The following ASIC2 variants were observed in gnomAD, a reference collection of about 807,000 sequenced individuals.
ASIC2 encodes acid sensing ion channel subunit 2, also known as acid-sensing ion channel 2.
Under a neutral mutation model 57.3 loss-of-function variants are expected in ASIC2, and 25 were observed. The ratio of observed to expected loss-of-function variants is 0.44; its 90% CI spans 0.32 to 0.61. ASIC2 has a LOEUF of 0.61. ASIC2 is among the 20% of genes least tolerant of loss of function. ASIC2 has a pLI of 0.06. For missense variants in ASIC2, 641 were observed against 738.1 expected (o/e 0.87, Z 1.52); for synonymous variants, 319 against 307.5 (o/e 1.04, Z -0.39).
At chr17:33,711,798 G>C (rs905788544) in intron 1 of ASIC2, among the ~76,000 whole-genome samples, 2 of 152,100 alleles carry the variant, frequency 1.3e-5, no homozygotes, top group Non-Finnish European at 2.9e-5. Flanking sequence ...CCTCCCACCA[G>C]GCCCCTTCCC....
In ASIC2 at chr17:33,228,323, AT is replaced by A. The variant is rs1170397701; in HGVS notation, c.708+63084del. Among the ~76,000 whole-genome samples, 9 of 152,308 alleles carry A rather than the reference AT, an allele frequency of 5.9e-5. 1 individual carries two copies. The highest frequency in any genetic ancestry group is 1.9e-4 in the African/African-American group (8 of 41,564). Reference sequence around the variant, plus strand: ...CACTTGAAAAACGATGGTGAATTTTATGCAACGTAAATGTTATCACAATTGA... The same window carrying A: ...CACTTGAAAAACGATGGTGAATTTTAGCAACGTAAATGTTATCACAATTGA... On this transcript the variant is annotated intron_variant, in intron 1 of 9. Coordinates refer to ENST00000225823, the MANE Select transcript of ASIC2 (RefSeq NM_183377.2).
chr17:33,734,363 C>G (rs1037458420), intron 1 of ASIC2, among the ~76,000 whole-genome samples: 1 of 152,170 alleles, frequency 6.6e-6, no homozygotes, highest in South Asian at 2.1e-4. Flanking sequence ...ACCTTCCTCC[C>G]GTGCTCTGTC....
chr17:33,022,027 C>CTTG (rs1183745232), intron 6 of ASIC2, among the ~76,000 whole-genome samples: 3 of 152,206 alleles, frequency 2.0e-5, no homozygotes, highest in Non-Finnish European at 4.4e-5. Context: ...TCCAGTGCCC[C>CTTG]TTGTTCTCAA....
At chr17:34,103,290 C>A (rs575724510) in intron 1 of ASIC2, among the ~76,000 whole-genome samples, 1 of 152,164 alleles carries the variant, frequency 6.6e-6, no homozygotes, top group South Asian at 2.1e-4. Flanking sequence ...GGACCACAGG[C>A]ATGTGCCACA....
At chr17:33,820,903 G>C (rs1251250053) in intron 1 of ASIC2, among the ~76,000 whole-genome samples, 1 of 152,092 alleles carries the variant, frequency 6.6e-6, no homozygotes, top group Non-Finnish European at 1.5e-5. Flanking sequence ...TACGTATAAG[G>C]CTTGCGTTAT....
intron 1 of ASIC2, among the ~76,000 whole-genome samples, chr17:33,340,652 G>GT (rs1907685241): frequency 6.6e-6 from 1 of 152,128 alleles, no homozygotes; most frequent in Non-Finnish European, 1.5e-5. Flanking sequence ...AACTTTGAGT[G>GT]TATCAGTGGT....
At chr17:33,745,832 A>G (rs1014488896) in intron 1 of ASIC2, among the ~76,000 whole-genome samples, 5 of 152,202 alleles carry the variant, frequency 3.3e-5, no homozygotes, top group African/African-American at 4.8e-5. Context: ...ATAAGCCTAG[A>G]TGGAAATTTG....
chr17:33,043,469 G>A (rs561390041), intron 3 of ASIC2, among the ~76,000 whole-genome samples: 3 of 151,686 alleles, frequency 2.0e-5, no homozygotes, highest in Admixed American at 2.0e-4. Flanking sequence ...GCTCTATAAG[G>A]CAAACCAGGG....
intron 1 of ASIC2, among the ~76,000 whole-genome samples, chr17:33,693,937 G>T (rs975839052): frequency 1.3e-5 from 2 of 152,192 alleles, no homozygotes; most frequent in African/African-American, 4.8e-5. Context: ...TTGGAGGATG[G>T]TGGGATCAAT....
At chr17:33,739,845 A>C (rs1253973691) in intron 1 of ASIC2, among the ~76,000 whole-genome samples, 3 of 151,600 alleles carry the variant, frequency 2.0e-5, no homozygotes, top group Non-Finnish European at 2.9e-5. Flanking sequence ...AAAGAGAAAG[A>C]AAAAAGAGAA....
At chr17:33,019,971 C>A (rs2091828410) in intron 7 of ASIC2, among the ~76,000 whole-genome samples, 1 of 152,014 alleles carries the variant, frequency 6.6e-6, no homozygotes, top group Admixed American at 6.5e-5. Context: ...AAATAAAGGG[C>A]AAGGCCAGCA....
At chr17:34,015,340 G>A (rs1906913462) in intron 1 of ASIC2, among the ~76,000 whole-genome samples, 1 of 152,134 alleles carries the variant, frequency 6.6e-6, no homozygotes, top group Non-Finnish European at 1.5e-5. Flanking sequence ...GTGGTCTTGG[G>A]CTGCCCTGTC....
intron 1 of ASIC2, among the ~76,000 whole-genome samples, chr17:34,137,860 G>A (rs1230741813): frequency 1.3e-5 from 2 of 152,048 alleles, no homozygotes; most frequent in East Asian, 3.9e-4. Flanking sequence ...TCTTACTCAT[G>A]AAGGCTTCAC....
chr17:33,629,970 T>C (rs901643993), intron 1 of ASIC2, among the ~76,000 whole-genome samples: 2 of 152,156 alleles, frequency 1.3e-5, no homozygotes, highest in Non-Finnish European at 1.5e-5. Context: ...TCCCTCTTGA[T>C]ACTTATTCAT....
chr17:33,699,043 G>A (rs1908616692), intron 1 of ASIC2, among the ~76,000 whole-genome samples: 1 of 152,174 alleles, frequency 6.6e-6, no homozygotes, highest in South Asian at 2.1e-4. Flanking sequence ...TTTCCTAAAG[G>A]GGTCTGTTCA....
At chr17:33,231,483 C>G (rs1342661206) in intron 1 of ASIC2, among the ~76,000 whole-genome samples, 1 of 152,098 alleles carries the variant, frequency 6.6e-6, no homozygotes, top group Non-Finnish European at 1.5e-5. Context: ...CCTAGGGTGT[C>G]TGGTTGCCCC....
chr17:33,996,166 A>G (rs1906154972), intron 1 of ASIC2, among the ~76,000 whole-genome samples: 1 of 152,060 alleles, frequency 6.6e-6, no homozygotes, highest in South Asian at 2.1e-4. Flanking sequence ...AAAATGCCAT[A>G]TTTAGTTTCT....
chr17:33,652,890 A>G (rs984091599), intron 1 of ASIC2, among the ~76,000 whole-genome samples: 8 of 152,206 alleles, frequency 5.3e-5, no homozygotes, highest in African/African-American at 1.4e-4. Flanking sequence ...CTAAAGGACC[A>G]AATTCCAGGG....
At chr17:33,865,888 A>G (rs1011687248) in intron 1 of ASIC2, among the ~76,000 whole-genome samples, 2 of 152,062 alleles carry the variant, frequency 1.3e-5, no homozygotes, top group Non-Finnish European at 2.9e-5. Context: ...CCACCAAGAC[A>G]TACTTTCTAT....
Sources: gnomAD v4.1 joint callset for allele counts (sites outside exome capture counted in the v4.1 genomes callset) on GRCh38, gnomAD v4.1.1 for gene constraint, MANE v1.5 for transcripts, NCBI Gene and HGNC (gene_info 2026-07-23, HGNC 2026-07-21) for gene names.